The following MRPS10 variants were observed in gnomAD, a reference collection of about 807,000 sequenced individuals.
MRPS10 encodes mitochondrial ribosomal protein S10, also known as small ribosomal subunit protein uS10m.
Under a neutral mutation model 27.5 loss-of-function variants are expected in MRPS10, and 23 were observed. The ratio of observed to expected loss-of-function variants is 0.84; its 90% CI spans 0.60 to 1.18. The LOEUF is 1.18. Ranked by LOEUF, MRPS10 falls within the 50% of genes most tolerant of loss-of-function variation. MRPS10 has a pLI of 0.00. For missense variants in MRPS10, 237 were observed against 240.1 expected, an observed-to-expected ratio of 0.99 and a Z score of 0.09; for synonymous variants, 88 against 84.2, an observed-to-expected ratio of 1.04 and a Z score of -0.25.
At chr6:42,216,010 CTTTTTTTTTTCTTTTCTTTTTT>C (rs1768916227) in intron 1 of MRPS10, among the ~76,000 whole-genome samples, 4 of 129,140 alleles carry the variant, frequency 3.1e-5, no homozygotes, top group Non-Finnish European at 1.6e-5. Context: ...TTTTTCTTTT[CTTTTTTTTTTCTTTTCTTTTTT>C]TTTTTTTTTT....
rs113113702 is a variant in MRPS10, at chr6:42,208,318, A to G, written c.577T>C (p.Ser193Pro). The change falls in exon 7 of 7, where the codon TCA (serine) becomes CCA (proline). Residue 193 changes from serine (S) to proline (P), a missense_variant. Ser to Pro is a moderately conservative substitution (Grantham distance 74). Coordinates refer to ENST00000053468, the MANE Select transcript of MRPS10 (RefSeq NM_018141.4). ...GACTTGCTTTCTTCTTTTTCTTCTG[A>G]TAGTGTTTCCCAGATTGGCTCCTTG... ...HIKEPIWETL[S>P]EEKEESKS 7 of 1,612,888 alleles carry G rather than the reference A, an allele frequency of 4.3e-6. No homozygotes were observed. Among genetic ancestry groups the G allele is most frequent in the African/African-American group, 4.0e-5 (3 of 74,852 alleles).
intron 1 of MRPS10, 138 bp from the exon 2 acceptor site, chr6:42,214,482 T>C: frequency 2.0e-6 from 1 of 491,664 alleles, no homozygotes; most frequent in African/African-American, 2.2e-5. Flanking sequence ...CAAATTAGAT[T>C]GAAAAAAAAA....
At chr6:42,216,410 G>GTGTGTGTGTC (rs1768942722) in intron 1 of MRPS10, among the ~76,000 whole-genome samples, 1 of 146,180 alleles carries the variant, frequency 6.8e-6, no homozygotes, top group African/African-American at 2.5e-5. Flanking sequence ...GTGTGTGTGT[G>GTGTGTGTGTC]TGTTGGGGGA....
In MRPS10 at chr6:42,207,069, T is replaced by C. The variant is rs1219853658; in HGVS notation, c.*1220A>G. 1 of 152,206 alleles carries C rather than the reference T, an allele frequency of 6.6e-6. No homozygotes were observed. The allele number at this position is 152,206 out of a possible 1,614,324, so 9.4% of individuals were successfully genotyped here. ...TTGCTATACCAACTGTTTCAGCCCA[T>C]TGTAGTCTTGCCTCTTTCAGGGCTT... On this transcript the variant is annotated 3_prime_UTR_variant, in exon 7 of 7. Coordinates refer to ENST00000053468, the MANE Select transcript of MRPS10 (RefSeq NM_018141.4).
chr6:42,211,542 G>A (rs1056337947), intron 4 of MRPS10, among the ~76,000 whole-genome samples: 5 of 151,806 alleles, frequency 3.3e-5, no homozygotes, highest in Non-Finnish European at 4.4e-5. Flanking sequence ...TTAGCCAGGC[G>A]TGGTGGCATG....
At position 42,210,485 on chromosome 6, in the gene MRPS10, C is replaced by T. The variant is rs1336966878; in HGVS notation, c.432+3G>A. 7.2e-7 allele frequency: 1 copy of T among 1,385,598 alleles called. No homozygotes were observed. Among genetic ancestry groups the T allele is most frequent in the Non-Finnish European group, 9.7e-7 (1 of 1,029,692 alleles). 85.8% of individuals were successfully genotyped at this position (1,385,598 alleles called of 1,614,324 possible). On this transcript the variant is annotated splice_donor_region_variant and intron_variant, in intron 5 of 6. Transcript: ENST00000053468. ...AATGCCAGAATTTCTCAAATACACTCACCTCTAAACATCTGTAAAGTGTTC... is the reference window on the plus strand; with the variant it reads ...AATGCCAGAATTTCTCAAATACACTTACCTCTAAACATCTGTAAAGTGTTC...
At chr6:42,217,623 T>C (rs1317865694) in intron 1 of MRPS10, among the ~76,000 whole-genome samples, 179 bp downstream of exon 1, 2 of 152,234 alleles carry the variant, frequency 1.3e-5, no homozygotes, top group Non-Finnish European at 2.9e-5. Flanking sequence ...CTAACTTATA[T>C]TTAATTCCAT....
chr6:42,216,018 TTTC>T (rs1373318495), intron 1 of MRPS10, among the ~76,000 whole-genome samples: 3 of 25,262 alleles, frequency 1.2e-4, no homozygotes, highest in Admixed American at 5.1e-4. Context: ...TTCTTTTTTT[TTTC>T]TTTTCTTTTT....
intron 5 of MRPS10, among the ~76,000 whole-genome samples, chr6:42,209,514 G>A (rs1297449952): frequency 2.0e-5 from 3 of 151,928 alleles, no homozygotes; most frequent in African/African-American, 7.2e-5. Flanking sequence ...TTGGGAGGCC[G>A]AGGTGGGTGG....
chr6:42,211,831 A>G lies in MRPS10; in HGVS notation c.273T>C (p.Tyr91=), dbSNP rs148241282. 1 of 1,614,102 alleles carries G rather than the reference A, an allele frequency of 6.2e-7. No individual in the cohort carries two copies. Among genetic ancestry groups the G allele is most frequent in the Non-Finnish European group, 8.5e-7 (1 of 1,179,974 alleles). The part of the protein sequence containing the change: ...KGHDKAVLDS[Y]EYFAVLAAKE... ...TAGCAGCAAGCACAGCAAAATATTC[A>G]TAACTGTCCAATACAGCCTTATCGT... Residue 91 remains tyrosine (Y), a synonymous_variant, in exon 4 of 7, where the codon TAT becomes TAC. Transcript: ENST00000053468.
At chr6:42,208,430 A>G in intron 6 of MRPS10, 58 bp from the exon 7 acceptor site, 1 of 1,256,064 alleles carries the variant, frequency 8.0e-7, no homozygotes, top group Non-Finnish European at 1.1e-6. Context: ...TTTGACTACA[A>G]ATCGGACTTA....
rs536372490 is a variant in MRPS10 at position 42,214,153 on chromosome 6, G to C, written c.153C>G (p.His51Gln). The C allele has an allele frequency of 9.3e-6, 15 of 1,613,110 alleles. No individual in the cohort carries two copies. The highest frequency in any genetic ancestry group is 1.3e-5 in the Non-Finnish European group (15 of 1,179,560). Residue 51 changes from histidine to glutamine, a missense_variant, in exon 3 of 7, where the codon CAC (histidine) becomes CAG (glutamine). Coordinates refer to ENST00000053468, the MANE Select transcript of MRPS10 (RefSeq NM_018141.4). ...TGGTCAAATCCTTTGGAACATCAAC[G>C]TGTAGGTTTGAAAACTGTACCCACT... is the stretch of plus-strand genomic sequence containing the variant. ...NMKWVQFSNL[H>Q]VDVPKDLTKP...
intron 1 of MRPS10, among the ~76,000 whole-genome samples, chr6:42,214,774 G>A (rs2273281): frequency 0.55 from 83,102 of 152,040 alleles, 24,562 homozygotes; most frequent in East Asian, 0.83. Context: ...TAAAAATTCT[G>A]AAGTATCCCT....
At chr6:42,217,749 T>G in intron 1 of MRPS10, 53 bp downstream of exon 1, 1 of 1,594,384 alleles carries the variant, frequency 6.3e-7, no homozygotes, top group Non-Finnish European at 8.6e-7. Flanking sequence ...GCAGGGAAAC[T>G]TAAAAGCAAC....
chr6:42,214,344 C>T lies in MRPS10; in HGVS notation c.49G>A (p.Gly17Arg), dbSNP rs1222498125. Residue 17 changes from glycine (G) to arginine (R), a missense_variant and splice_region_variant, in exon 2 of 7, where the codon GGA (glycine) becomes AGA (arginine). This residue lies in a region of MRPS10 where 164 missense variants were observed against 137.8 expected (regional missense o/e 1.19). Transcript: ENST00000053468. ...GTGTTTACAGAAAAATTCCCCAATC[C>T]CTAAAGAAAAAAAAAGTAGGACATG... is the stretch of plus-strand genomic sequence containing the variant. ...FGAVCRRLWQGLGNFSVNTSK... is the reference protein window; with the variant it reads ...FGAVCRRLWQRLGNFSVNTSK... 5.0e-6 allele frequency: 8 copies of T among 1,597,564 alleles called. No individual in the cohort carries two copies. Among genetic ancestry groups the T allele is most frequent in the Non-Finnish European group, 6.0e-6 (7 of 1,170,976 alleles).
chr6:42,213,806 T>G (rs1768846321), intron 3 of MRPS10, among the ~76,000 whole-genome samples: 1 of 152,188 alleles, frequency 6.6e-6, no homozygotes, highest in Non-Finnish European at 1.5e-5. Context: ...GAAAAATACT[T>G]TTCCATAACA....
chr6:42,209,937 C>A (rs1050478040), intron 5 of MRPS10, among the ~76,000 whole-genome samples: 1 of 152,138 alleles, frequency 6.6e-6, no homozygotes, highest in Admixed American at 6.6e-5. Flanking sequence ...CTAATCCTCA[C>A]ACTAACCTTA....
chr6:42,214,637 G>A (rs1562074176), intron 1 of MRPS10, among the ~76,000 whole-genome samples: 2 of 151,870 alleles, frequency 1.3e-5, no homozygotes, highest in African/African-American at 4.8e-5. Context: ...TGGACATCAA[G>A]AAAAAATGTG....
chr6:42,212,301 G>A (rs1392360340), intron 3 of MRPS10, among the ~76,000 whole-genome samples: 4 of 152,078 alleles, frequency 2.6e-5, no homozygotes, highest in East Asian at 1.9e-4. Context: ...GAATGACAAC[G>A]GACAAATCAT....
Sources: gnomAD v4.1 joint callset for allele counts (sites outside exome capture counted in the v4.1 genomes callset) on GRCh38, gnomAD v4.1.1 for gene constraint, gnomAD v4.1.1 regional missense constraint, MANE v1.5 for transcripts, NCBI Gene and HGNC (gene_info 2026-07-23, HGNC 2026-07-21) for gene names.